DOCK4: variants seen among roughly 807,000 people sequenced by gnomAD.
DOCK4 encodes dedicator of cytokinesis protein 4.
Under a neutral mutation model 268.1 loss-of-function variants are expected in DOCK4, and 97 were observed. The ratio of observed to expected loss-of-function variants is 0.36; its 90% confidence interval spans 0.31 to 0.43. The LOEUF is 0.43. Among genes scored for constraint, DOCK4 ranks in the 20% least tolerant of loss-of-function variants. The probability of loss-of-function intolerance (pLI) is 1.00; values close to 1 mark genes in which losing one functional copy is unlikely to be tolerated. For synonymous variants in DOCK4, 954 were observed against 887.2 expected (o/e 1.08, Z -1.34); for missense variants, 2,145 against 2,455.7 (o/e 0.87, Z 2.67).
intron 1 of DOCK4, among the ~76,000 whole-genome samples, chr7:112,043,753 T>C (rs962149275): frequency 6.6e-6 from 1 of 151,928 alleles, no homozygotes; most frequent in African/African-American, 2.4e-5. Flanking sequence ...CCATAGTATC[T>C]AAATACCCCC....
intron 1 of DOCK4, among the ~76,000 whole-genome samples, chr7:112,087,701 A>C (rs1809228132): frequency 6.6e-6 from 1 of 152,132 alleles, no homozygotes; most frequent in African/African-American, 2.4e-5. Context: ...ATTTTGGGTT[A>C]TCTCCTAAAT....
At chr7:111,917,812 C>T (rs1792743833) in intron 12 of DOCK4, among the ~76,000 whole-genome samples, 1 of 151,972 alleles carries the variant, frequency 6.6e-6, no homozygotes, top group South Asian at 2.1e-4. Flanking sequence ...ACATTTCTCT[C>T]AATAATGCAC....
At chr7:111,877,319 T>C in intron 16 of DOCK4, 133 bp from the exon 17 acceptor site, 1 of 840,476 alleles carries the variant, frequency 1.2e-6, no homozygotes, top group Non-Finnish European at 1.6e-6. Flanking sequence ...ATTTGGTTTT[T>C]AAATAAAATG....
intron 23 of DOCK4, among the ~76,000 whole-genome samples, chr7:111,849,262 CTTTT>C (rs200312873): frequency 1.5e-5 from 2 of 133,360 alleles, no homozygotes; most frequent in Admixed American, 7.6e-5. Flanking sequence ...TTCCTAGTTA[CTTTT>C]TTTTTTTTTT....
At chr7:111,913,560 C>T (rs1792319100) in intron 13 of DOCK4, among the ~76,000 whole-genome samples, 1 of 151,698 alleles carries the variant, frequency 6.6e-6, no homozygotes, top group African/African-American at 2.4e-5. Context: ...CAGGCGCCCG[C>T]CACCACGCCC....
intron 34 of DOCK4, 90 bp from the exon 35 acceptor site, chr7:111,783,014 G>T (rs373393470): frequency 3.3e-4 from 138 of 412,486 alleles, no homozygotes; most frequent in Middle Eastern, 5.9e-4. Context: ...AAGAAAGAAA[G>T]AAAGAAAAAA....
intron 17 of DOCK4, among the ~76,000 whole-genome samples, chr7:111,875,255 C>T (rs1200894821): frequency 6.6e-6 from 1 of 152,174 alleles, no homozygotes; most frequent in East Asian, 1.9e-4. Context: ...ATAATTATTT[C>T]ATAAGTTGTT....
At chr7:111,742,790 A>G (rs777666085) in intron 44 of DOCK4, among the ~76,000 whole-genome samples, 8 of 152,174 alleles carry the variant, frequency 5.3e-5, no homozygotes, top group Non-Finnish European at 8.8e-5. Flanking sequence ...TCAGGAGTTC[A>G]AGACCAGCCT....
intron 52 of DOCK4, among the ~76,000 whole-genome samples, chr7:111,729,239 C>T (rs1409720512): frequency 6.6e-6 from 1 of 152,198 alleles, no homozygotes; most frequent in African/African-American, 2.4e-5. Flanking sequence ...AGTTCACCGC[C>T]CAGTTTACTC....
At chr7:112,163,432 C>T (rs1817318297) in intron 1 of DOCK4, among the ~76,000 whole-genome samples, 1 of 152,140 alleles carries the variant, frequency 6.6e-6, no homozygotes, top group Non-Finnish European at 1.5e-5. Context: ...ACTTAATCTC[C>T]AACTTCTCAG....
At chr7:112,142,402 C>T (rs991361538) in intron 1 of DOCK4, among the ~76,000 whole-genome samples, 1 of 152,124 alleles carries the variant, frequency 6.6e-6, no homozygotes, top group African/African-American at 2.4e-5. Context: ...AAACTCAAGA[C>T]ATGTTGACTG....
At chr7:111,977,389 AC>A (rs2135126416) in intron 7 of DOCK4, 106 bp from the exon 8 acceptor site, 1 of 1,259,090 alleles carries the variant, frequency 7.9e-7, no homozygotes, top group East Asian at 2.6e-5. Flanking sequence ...CTACGCCATA[AC>A]TTTTTATTTT....
At chr7:111,934,530 T>TTTG (rs1794541858) in intron 12 of DOCK4, among the ~76,000 whole-genome samples, 1 of 134,322 alleles carries the variant, frequency 7.4e-6, no homozygotes, top group African/African-American at 3.0e-5. Flanking sequence ...TTTGTTTTTT[T>TTTG]TTTTTTTTTT....
intron 26 of DOCK4, among the ~76,000 whole-genome samples, chr7:111,826,795 G>T (rs1172475422): frequency 1.3e-5 from 2 of 152,078 alleles, no homozygotes; most frequent in Non-Finnish European, 2.9e-5. Flanking sequence ...CACTATTTGG[G>T]TGATGGACTC....
At chr7:112,114,109 T>G in intron 1 of DOCK4, among the ~76,000 whole-genome samples, 1 of 152,126 alleles carries the variant, frequency 6.6e-6, no homozygotes, top group East Asian at 1.9e-4. Flanking sequence ...GGCCAAATCC[T>G]GGAAACTCAA....
chr7:112,084,796 T>C (rs558981995), intron 1 of DOCK4, among the ~76,000 whole-genome samples: 2 of 152,268 alleles, frequency 1.3e-5, no homozygotes, highest in South Asian at 2.1e-4. Flanking sequence ...ACCATTGTTA[T>C]GCTACCATTA....
chr7:111,931,962 TC>T (rs1369592586), intron 12 of DOCK4, among the ~76,000 whole-genome samples: 2 of 152,170 alleles, frequency 1.3e-5, no homozygotes, highest in Non-Finnish European at 2.9e-5. Context: ...ATGACTCCTG[TC>T]TGTAAGCAGA....
intron 30 of DOCK4, among the ~76,000 whole-genome samples, chr7:111,798,783 A>G (rs994549446): frequency 2.0e-5 from 3 of 152,250 alleles, no homozygotes; most frequent in African/African-American, 7.2e-5. Context: ...CACTTGAATT[A>G]AGCAAAGGAA....
intron 25 of DOCK4, 94 bp downstream of exon 25, chr7:111,844,669 G>A (rs1475853757): frequency 2.1e-6 from 3 of 1,455,588 alleles, no homozygotes; most frequent in Non-Finnish European, 1.8e-6. Context: ...CTCTCCTAAG[G>A]CCACATTTTC....
Sources: allele counts gnomAD v4.1 joint callset (sites outside exome capture counted in the v4.1 genomes callset), GRCh38; gene constraint gnomAD v4.1.1; transcripts MANE v1.5; gene names NCBI Gene and HGNC (gene_info 2026-07-23, HGNC 2026-07-21).